BRINP2: variants seen among roughly 807,000 people sequenced by gnomAD.
The protein encoded by BRINP2 is BMP/retinoic acid-inducible neural-specific protein 2.
Under a neutral mutation model 69.2 loss-of-function variants are expected in BRINP2, and 21 were observed. The ratio of observed to expected loss-of-function variants is 0.30; its 90% CI spans 0.22 to 0.44. The LOEUF (loss-of-function observed/expected upper bound fraction) is 0.44, where lower values mean the gene tolerates loss of function less well. Among genes scored for constraint, BRINP2 ranks in the 20% least tolerant of loss-of-function variants. The pLI, the probability that BRINP2 is intolerant of heterozygous loss-of-function variation, is 1.00. For synonymous variants in BRINP2, 380 were observed against 394.1 expected, an observed-to-expected ratio of 0.96 and a Z score of 0.42; for missense variants, 877 against 986.0, an observed-to-expected ratio of 0.89 and a Z score of 1.48.
At chr1:177,236,918 TAAA>T (rs59673685) in intron 2 of BRINP2, among the ~76,000 whole-genome samples, 2 of 116,088 alleles carry the variant, frequency 1.7e-5, no homozygotes. Context: ...AGGGTGCAAC[TAAA>T]AAAAAAAAAA....
intron 1 of BRINP2, among the ~76,000 whole-genome samples, chr1:177,224,494 A>G (rs1442058171): frequency 6.6e-6 from 1 of 152,148 alleles, no homozygotes. Flanking sequence ...AGGTGGGATC[A>G]CCTGACCTCA....
At chr1:177,217,219 C>T (rs866971623) in intron 1 of BRINP2, among the ~76,000 whole-genome samples, 53 of 151,764 alleles carry the variant, frequency 3.5e-4, no homozygotes, top group African/African-American at 1.2e-3. Flanking sequence ...ATTTACTCCT[C>T]TGATTGGGTA....
chr1:177,181,571 C>T (rs1648249852), intron 1 of BRINP2, among the ~76,000 whole-genome samples: 1 of 152,156 alleles, frequency 6.6e-6, no homozygotes, highest in Non-Finnish European at 1.5e-5. Flanking sequence ...GAGGGAGGTC[C>T]TTGAAATCCC....
chr1:177,233,230 A>G (rs894381253), intron 2 of BRINP2, among the ~76,000 whole-genome samples: 2 of 152,178 alleles, frequency 1.3e-5, no homozygotes, highest in Admixed American at 1.3e-4. Flanking sequence ...ATTCATACAG[A>G]CATAGGTGCT....
chr1:177,248,448 TGTGTGTGCGTGC>T (rs1247259335), intron 2 of BRINP2, among the ~76,000 whole-genome samples: 1 of 151,198 alleles, frequency 6.6e-6, no homozygotes, highest in East Asian at 1.9e-4. Context: ...TGTGTGTGTG[TGTGTGTGCGTGC>T]GTGTGTGTGT....
At chr1:177,258,609 C>T (rs781328255) in intron 4 of BRINP2, among the ~76,000 whole-genome samples, 18 of 152,152 alleles carry the variant, frequency 1.2e-4, no homozygotes, top group Admixed American at 2.6e-4. Context: ...TTTATGGCAA[C>T]GCTGTGTCAA....
At chr1:177,201,238 T>G (rs183884348) in intron 1 of BRINP2, among the ~76,000 whole-genome samples, 2 of 152,272 alleles carry the variant, frequency 1.3e-5, no homozygotes, top group African/African-American at 4.8e-5. Flanking sequence ...GAACTGGACA[T>G]CTAAGAGTTT....
At chr1:177,188,853 G>T (rs927012148) in intron 1 of BRINP2, among the ~76,000 whole-genome samples, 3 of 152,052 alleles carry the variant, frequency 2.0e-5, no homozygotes, top group African/African-American at 7.2e-5. Context: ...TTCCTGAGAG[G>T]TTTTTTTAAA....
chr1:177,248,494 CGTGT>C (rs142068160), intron 2 of BRINP2, among the ~76,000 whole-genome samples: 13 of 136,216 alleles, frequency 9.5e-5, no homozygotes, highest in South Asian at 4.8e-4. Flanking sequence ...TGTGTGCGTG[CGTGT>C]GTGTGTGTGT....
At chr1:177,207,309 G>A (rs1649095181) in intron 1 of BRINP2, among the ~76,000 whole-genome samples, 2 of 152,156 alleles carry the variant, frequency 1.3e-5, no homozygotes, top group Non-Finnish European at 2.9e-5. Context: ...TAGACAGATA[G>A]AAGGCAAACT....
intron 1 of BRINP2, among the ~76,000 whole-genome samples, chr1:177,202,734 C>T (rs954339113): frequency 9.9e-5 from 15 of 152,178 alleles, no homozygotes; most frequent in Non-Finnish European, 1.9e-4. Context: ...AAATGCTCAT[C>T]ATCACTGGTC....
At chr1:177,226,314 C>A (rs867860659) in intron 1 of BRINP2, among the ~76,000 whole-genome samples, 1 of 152,184 alleles carries the variant, frequency 6.6e-6, no homozygotes, top group East Asian at 1.9e-4. Context: ...TTGAAAACCA[C>A]TTATGGTCTC....
rs1261410805 is a variant in BRINP2, at chr1:177,255,900, C to A, written c.270-19C>A. 6.2e-7 allele frequency: 1 copy of A among 1,612,478 alleles called. No homozygotes were observed. The highest frequency in any genetic ancestry group is 8.5e-7 in the Non-Finnish European group (1 of 1,179,068). The stretch of plus-strand genomic sequence containing the variant: ...TGAAACGAGGTCAGCTTTTCCTTAT[C>A]CCTTGGCTTTTCCCCCAGGGAGTTT... On this transcript the variant is annotated intron_variant, in intron 2 of 7. Coordinates refer to ENST00000361539, the MANE Select transcript of BRINP2 (RefSeq NM_021165.4).
At chr1:177,196,127 A>G (rs1309562991) in intron 1 of BRINP2, among the ~76,000 whole-genome samples, 2 of 152,230 alleles carry the variant, frequency 1.3e-5, no homozygotes, top group Admixed American at 6.5e-5. Context: ...AGAGAAACAA[A>G]TTCATGGTCA....
intron 1 of BRINP2, among the ~76,000 whole-genome samples, chr1:177,174,223 C>A (rs552008918): frequency 6.6e-6 from 1 of 152,228 alleles, no homozygotes; most frequent in Non-Finnish European, 1.5e-5. Flanking sequence ...CTGGGTCTCA[C>A]TGCTCCTGAA....
chr1:177,255,904 TG>T lies in BRINP2; in HGVS notation c.270-13del. ...ACGAGGTCAGCTTTTCCTTATCCCT[TG>T]GCTTTTCCCCCAGGGAGTTTGCCCG... On this transcript the variant is annotated splice_polypyrimidine_tract_variant and intron_variant, in intron 2 of 7. Coordinates refer to ENST00000361539, the MANE Select transcript of BRINP2 (RefSeq NM_021165.4). 6.2e-7 allele frequency: 1 copy of T among 1,612,912 alleles called. No individual in the cohort carries two copies. The highest frequency in any genetic ancestry group is 8.5e-7 in the Non-Finnish European group (1 of 1,179,258).
At chr1:177,264,247 T>C (rs2102352854) in intron 4 of BRINP2, among the ~76,000 whole-genome samples, 1 of 152,316 alleles carries the variant, frequency 6.6e-6, no homozygotes, top group Middle Eastern at 3.4e-3. Flanking sequence ...TGGCCTCATT[T>C]TCTTAAATTC....
At chr1:177,278,827 C>G (rs768458467) in intron 7 of BRINP2, 42 bp downstream of exon 7, 4 of 1,589,524 alleles carry the variant, frequency 2.5e-6, no homozygotes, top group Non-Finnish European at 3.4e-6. Context: ...TCAGCACCTC[C>G]CCTGACAGCT....
chr1:177,276,259 C>T lies in BRINP2; in HGVS notation c.837C>T (p.Tyr279=), dbSNP rs143861053. The change falls in exon 6 of 8, where the codon TAC becomes TAT. Residue 279 remains tyrosine (Y), a synonymous_variant. Coordinates refer to ENST00000361539, the MANE Select transcript of BRINP2 (RefSeq NM_021165.4). Reference sequence around the variant, plus strand: ...GCTTTGTAGCTGCAGCACTCAGCTACATCACATGCAGCTCTGAGGGTGAGC... The same window carrying T: ...GCTTTGTAGCTGCAGCACTCAGCTATATCACATGCAGCTCTGAGGGTGAGC... ...RERFVAAALS[Y]ITCSSEGELV... 3,175 of 1,614,214 alleles carry T rather than the reference C, an allele frequency of 2.0e-3. 78 individuals are homozygous for T. The Admixed American group carries it at 0.042, about 22-fold the overall frequency.
Sources: allele counts gnomAD v4.1 joint callset (sites outside exome capture counted in the v4.1 genomes callset), GRCh38; gene constraint gnomAD v4.1.1; transcripts MANE v1.5; gene names NCBI Gene and HGNC (gene_info 2026-07-23, HGNC 2026-07-21).